PSMA1: variants seen among roughly 807,000 people sequenced by gnomAD.
The protein encoded by PSMA1 is proteasome 20S subunit alpha 1, also known as proteasome subunit alpha type-1.
PSMA1 carries 3 observed loss-of-function variants against 38.4 expected under a neutral mutation model. That is an observed-to-expected ratio of 0.08 (90% CI 0.04 to 0.20). The LOEUF (loss-of-function observed/expected upper bound fraction) is 0.20. Ranked by LOEUF, PSMA1 falls within the 10% of genes least tolerant of loss-of-function variation. PSMA1 has a pLI of 1.00. For synonymous variants in PSMA1, 101 were observed against 107.1 expected (o/e 0.94, Z 0.35); for missense variants, 227 against 325.3 (o/e 0.70, Z 2.32).
chr11:14,623,452 G>A (rs1852873560), intron 1 of PSMA1, among the ~76,000 whole-genome samples: 1 of 152,216 alleles, frequency 6.6e-6, no homozygotes, highest in Non-Finnish European at 1.5e-5. Flanking sequence ...GGAATGAGAA[G>A]TGGCCCAGTA....
intron 2 of PSMA1, among the ~76,000 whole-genome samples, chr11:14,550,813 G>C (rs555926926): frequency 1.3e-5 from 2 of 151,964 alleles, no homozygotes; most frequent in South Asian, 4.2e-4. Context: ...GAAGAAAATA[G>C]GATAATTCTT....
intron 2 of PSMA1, among the ~76,000 whole-genome samples, chr11:14,565,518 G>A (rs979334650): frequency 1.3e-5 from 2 of 152,018 alleles, no homozygotes; most frequent in African/African-American, 2.4e-5. Context: ...TGCTTTTAGT[G>A]CCATGAATTT....
intron 7 of PSMA1, among the ~76,000 whole-genome samples, chr11:14,511,384 AAAAACAAAAC>A (rs140977899): frequency 2.0e-5 from 3 of 152,180 alleles, no homozygotes; most frequent in African/African-American, 7.2e-5. Context: ...ATATAGATGC[AAAAACAAAAC>A]AAAACAAAAC....
At chr11:14,604,688 T>C (rs1048989448) in intron 2 of PSMA1, among the ~76,000 whole-genome samples, 1 of 152,180 alleles carries the variant, frequency 6.6e-6, no homozygotes, top group Non-Finnish European at 1.5e-5. Flanking sequence ...TAGTACCTAA[T>C]AGTTTTTCAA....
intron 2 of PSMA1, among the ~76,000 whole-genome samples, chr11:14,561,788 C>T (rs1003962283): frequency 6.8e-6 from 1 of 146,928 alleles, no homozygotes; most frequent in Non-Finnish European, 1.5e-5. Context: ...GCACTCTAGT[C>T]CTAAACTAAA....
At chr11:14,589,802 T>C (rs1038745514) in intron 2 of PSMA1, among the ~76,000 whole-genome samples, 2 of 152,128 alleles carry the variant, frequency 1.3e-5, no homozygotes, top group African/African-American at 4.8e-5. Flanking sequence ...GAAGTCAACA[T>C]GGCAGATTAG....
chr11:14,521,949 C>G (rs1222353890), upstream of PSMA1, among the ~76,000 whole-genome samples: 1 of 152,068 alleles, frequency 6.6e-6, no homozygotes, highest in South Asian at 2.1e-4. Context: ...ATAGATTGTT[C>G]TCTTTCGTTT....
intron 1 of PSMA1, 163 bp downstream of exon 1, chr11:14,520,134 G>T: frequency 1.7e-6 from 2 of 1,153,596 alleles, no homozygotes; most frequent in South Asian, 1.4e-5. Flanking sequence ...CCCTAGCCCG[G>T]CCAGGCCGGA....
intron 1 of PSMA1, among the ~76,000 whole-genome samples, chr11:14,628,527 T>C (rs1852950087): frequency 1.3e-5 from 2 of 150,720 alleles, no homozygotes; most frequent in African/African-American, 4.9e-5. Flanking sequence ...TAGTATTCCA[T>C]GGTGTATATG....
At chr11:14,631,042 T>A (rs963761517) in intron 1 of PSMA1, among the ~76,000 whole-genome samples, 1 of 152,184 alleles carries the variant, frequency 6.6e-6, no homozygotes, top group Non-Finnish European at 1.5e-5. Context: ...TGCGTCTATT[T>A]GATTCTTCTC....
In PSMA1 at chr11:14,551,338, T is replaced by G. The variant is rs11023254; in HGVS notation, c.22-32297A>C. Among the ~76,000 whole-genome samples, 31 of 152,270 alleles carry G rather than the reference T, an allele frequency of 2.0e-4. No individual in the cohort carries two copies. In the East Asian group the frequency reaches 5.6e-3, roughly 27 times the overall value. ...ATTATATGGCTTTCAGAGTTCAAATTTAGAGTCCCTACGTAATTTACTGGA... is the reference window on the plus strand; with the variant it reads ...ATTATATGGCTTTCAGAGTTCAAATGTAGAGTCCCTACGTAATTTACTGGA... On this transcript the variant is annotated intron_variant, in intron 2 of 10. Transcript: ENST00000418988.
intron 1 of PSMA1, among the ~76,000 whole-genome samples, chr11:14,638,541 CTCTCTATATATATATATATATA>C (rs1191976175): frequency 1.3e-3 from 21 of 15,700 alleles, no homozygotes; most frequent in East Asian, 5.1e-3. Context: ...CTCTCTCTCT[CTCTCTATATATATATATATATA>C]TATATATATA....
intron 1 of PSMA1, among the ~76,000 whole-genome samples, chr11:14,615,887 T>C (rs960597153): frequency 6.6e-6 from 1 of 152,096 alleles, no homozygotes; most frequent in Non-Finnish European, 1.5e-5. Flanking sequence ...CTTCTCTTCC[T>C]AGGAGGGTTT....
At chr11:14,536,874 C>G (rs1307863291) in intron 2 of PSMA1, among the ~76,000 whole-genome samples, 3 of 152,196 alleles carry the variant, frequency 2.0e-5, no homozygotes, top group South Asian at 4.1e-4. Flanking sequence ...CTCGGCCTCC[C>G]GAAGTGCTGG....
chr11:14,594,308 A>G (rs1590003152), intron 2 of PSMA1, among the ~76,000 whole-genome samples: 1 of 152,336 alleles, frequency 6.6e-6, no homozygotes, highest in Non-Finnish European at 1.5e-5. Flanking sequence ...CACACAGGTC[A>G]GAGTGTGAGC....
intron 1 of PSMA1, among the ~76,000 whole-genome samples, chr11:14,625,908 A>C (rs1852903481): frequency 6.6e-6 from 1 of 152,248 alleles, no homozygotes. Flanking sequence ...CCAGGGAATA[A>C]GACCTTAGCT....
chr11:14,506,569 A>G (rs146094086), intron 9 of PSMA1, among the ~76,000 whole-genome samples: 17 of 152,236 alleles, frequency 1.1e-4, no homozygotes, highest in Middle Eastern at 6.8e-3. Flanking sequence ...TATTCTAAAC[A>G]TCTAGCAAAA....
At chr11:14,561,788 C>CCTAAA (rs1319723628) in intron 2 of PSMA1, among the ~76,000 whole-genome samples, 8 of 146,928 alleles carry the variant, frequency 5.4e-5, no homozygotes, top group African/African-American at 1.5e-4. Context: ...GCACTCTAGT[C>CCTAAA]CTAAACTAAA....
chr11:14,641,370 T>TAAAA (rs1422876876), intron 1 of PSMA1, among the ~76,000 whole-genome samples: 3 of 152,198 alleles, frequency 2.0e-5, no homozygotes, highest in Non-Finnish European at 4.4e-5. Context: ...AATAATTAAA[T>TAAAA]AATCTGACCT....
Sources: gnomAD v4.1 joint callset for allele counts (sites outside exome capture counted in the v4.1 genomes callset) on GRCh38, gnomAD v4.1.1 for gene constraint, MANE v1.5 for transcripts, NCBI Gene and HGNC (gene_info 2026-07-23, HGNC 2026-07-21) for gene names.